ME3: variants seen among roughly 807,000 people sequenced by gnomAD.
The protein encoded by ME3 is NADP-dependent malic enzyme, mitochondrial.
In ME3, 48 loss-of-function variants were observed where a neutral mutation model predicts 68.9. The observed-to-expected ratio is 0.70, with a 90% CI of 0.55 to 0.89. ME3 has a LOEUF of 0.89. Ranked by LOEUF, ME3 falls within the 40% of genes least tolerant of loss-of-function variation. ME3 has a pLI of 0.00. For missense variants in ME3, 675 were observed against 797.4 expected, an observed-to-expected ratio of 0.85 and a Z score of 1.85; for synonymous variants, 320 against 318.8, an observed-to-expected ratio of 1.00 and a Z score of -0.04.
At position 86,497,945 on chromosome 11, in the gene ME3, C is replaced by A; in HGVS notation, c.705+18G>T. ...CCACCTTTTGGCCCCAGAGCTCCTG[C>A]CCTGGGCAGTGGGTTACCTCATTGT... is the stretch of plus-strand genomic sequence containing the variant. On this transcript the variant is annotated intron_variant, in intron 6 of 14. Coordinates refer to ENST00000543262, the Ensembl canonical transcript of ME3. The A allele has an allele frequency of 6.3e-7, 1 of 1,580,306 alleles. No individual in the cohort carries two copies. The highest frequency in any genetic ancestry group is 8.6e-7 in the Non-Finnish European group (1 of 1,161,176).
At chr11:86,472,438 G>A (rs1234522547) in intron 7 of ME3, among the ~76,000 whole-genome samples, 1 of 152,206 alleles carries the variant, frequency 6.6e-6, no homozygotes, top group East Asian at 1.9e-4. Context: ...AAGGAGGCAT[G>A]GAACTGCAGT....
chr11:86,594,976 G>A (rs1959196356), intron 2 of ME3, among the ~76,000 whole-genome samples: 1 of 145,448 alleles, frequency 6.9e-6, no homozygotes, highest in African/African-American at 2.5e-5. Flanking sequence ...GACAAGCCAG[G>A]TGGGGACTCT....
chr11:86,661,278 C>T (rs1354343251), intron 2 of ME3, among the ~76,000 whole-genome samples: 2 of 152,216 alleles, frequency 1.3e-5, no homozygotes, highest in Non-Finnish European at 1.5e-5. Flanking sequence ...GTGGCGTTAT[C>T]GAGGAGGGCA....
intron 4 of ME3, among the ~76,000 whole-genome samples, chr11:86,554,158 G>A (rs991356894): frequency 6.6e-5 from 10 of 152,200 alleles, no homozygotes; most frequent in African/African-American, 1.9e-4. Flanking sequence ...TGTTGCATAT[G>A]CAAGGTCCTA....
chr11:86,480,099 A>G lies in ME3; in HGVS notation c.809+7238T>C, dbSNP rs113460607. Among the ~76,000 whole-genome samples the G allele has an allele frequency of 2.0e-3, 299 of 152,314 alleles. 1 individual carries two copies. Among genetic ancestry groups the G allele is most frequent in the African/African-American group, 6.8e-3 (281 of 41,580 alleles). On this transcript the variant is annotated intron_variant, in intron 7 of 14. Coordinates refer to ENST00000543262, the Ensembl canonical transcript of ME3. ...CTCCCAAATTGCTGGGATTGTAGGCATGAGCCACCGCGCCTGGCCTAGCTG... is the reference window on the plus strand; with the variant it reads ...CTCCCAAATTGCTGGGATTGTAGGCGTGAGCCACCGCGCCTGGCCTAGCTG...
intron 2 of ME3, among the ~76,000 whole-genome samples, chr11:86,620,278 A>T (rs11606017): frequency 0.34 from 52,189 of 152,178 alleles, 10,764 homozygotes; most frequent in Non-Finnish European, 0.46. Flanking sequence ...ATAACTATAT[A>T]TCATTTCGGG....
chr11:86,446,262 G>A, intron 13 of ME3, 52 bp downstream of exon 13: 1 of 1,595,992 alleles, frequency 6.3e-7, no homozygotes, highest in Admixed American at 1.7e-5. Context: ...AGGACCCAGT[G>A]TCAACCCACA....
chr11:86,447,035 A>G lies in ME3; in HGVS notation c.1380+30T>C, dbSNP rs1277680663. 2.5e-6 allele frequency: 4 copies of G among 1,610,212 alleles called. No individual in the cohort carries two copies. The East Asian group carries it at 8.9e-5, about 36-fold the overall frequency. On this transcript the variant is annotated intron_variant, in intron 12 of 14. Transcript: ENST00000543262. ...ATTGTAATTGTTACTATGTCCTCTC[A>G]GCCGGGGGAAGGAAGGACTCCCCGC...
chr11:86,560,748 G>GTGTATA (rs1243025217), intron 2 of ME3, among the ~76,000 whole-genome samples: 1 of 62,530 alleles, frequency 1.6e-5, no homozygotes, highest in African/African-American at 5.9e-5. Context: ...GTGTGTGTGT[G>GTGTATA]TATATATATA....
chr11:86,532,975 C>G (rs1054717547), intron 4 of ME3, among the ~76,000 whole-genome samples: 2 of 151,902 alleles, frequency 1.3e-5, no homozygotes, highest in African/African-American at 2.4e-5. Flanking sequence ...TCGTTTGAAC[C>G]CAGGAGGCAG....
chr11:86,465,206 T>G lies in ME3; in HGVS notation c.810-6A>C, dbSNP rs779577786. 6.2e-7 allele frequency: 1 copy of G among 1,604,088 alleles called. No individual in the cohort carries two copies. The highest frequency in any genetic ancestry group is 8.5e-7 in the Non-Finnish European group (1 of 1,171,340). ...TGAGGCAATTTATTCCAAACCTGTG[T>G]GGAGGGAGAGGAAGAAACCCATGAT... is the stretch of plus-strand genomic sequence containing the variant. On this transcript the variant is annotated splice_region_variant and splice_polypyrimidine_tract_variant and intron_variant, in intron 7 of 14. Coordinates refer to ENST00000543262, the Ensembl canonical transcript of ME3.
intron 4 of ME3, among the ~76,000 whole-genome samples, chr11:86,541,773 T>G (rs753636923): frequency 6.6e-6 from 1 of 152,192 alleles, no homozygotes; most frequent in Non-Finnish European, 1.5e-5. Context: ...GCAGTGGATC[T>G]CCCAGCACAG....
At chr11:86,523,109 G>A (rs1954447786) in intron 4 of ME3, among the ~76,000 whole-genome samples, 1 of 152,152 alleles carries the variant, frequency 6.6e-6, no homozygotes, top group Admixed American at 6.5e-5. Flanking sequence ...CCTACTGTTG[G>A]CTCCTTGAAG....
intron 5 of ME3, among the ~76,000 whole-genome samples, chr11:86,499,795 G>A (rs1291475657): frequency 6.6e-6 from 1 of 152,222 alleles, no homozygotes; most frequent in East Asian, 1.9e-4. Context: ...AGCCTGGGCA[G>A]GTAGGCGGAT....
chr11:86,525,885 G>A (rs556151011), intron 4 of ME3, among the ~76,000 whole-genome samples: 61 of 149,710 alleles, frequency 4.1e-4, no homozygotes, highest in African/African-American at 1.5e-3. Context: ...AAAAAGGAGA[G>A]GGTGGAGCCA....
chr11:86,541,693 T>C (rs1215812787), intron 4 of ME3, among the ~76,000 whole-genome samples: 4 of 152,138 alleles, frequency 2.6e-5, no homozygotes, highest in African/African-American at 9.7e-5. Context: ...ACAGAGCACC[T>C]CAGGGAAGGG....
chr11:86,579,733 G>T (rs1031417967), intron 2 of ME3, among the ~76,000 whole-genome samples: 2 of 152,094 alleles, frequency 1.3e-5, no homozygotes, highest in African/African-American at 4.8e-5. Context: ...TACAGTTTGG[G>T]TACCACTTAT....
chr11:86,458,583 C>T (rs766160743), intron 8 of ME3, among the ~76,000 whole-genome samples: 1 of 151,838 alleles, frequency 6.6e-6, no homozygotes, highest in African/African-American at 2.4e-5. Flanking sequence ...CTAGGAACAG[C>T]CCTGGAAGTG....
intron 2 of ME3, among the ~76,000 whole-genome samples, chr11:86,647,856 A>G (rs1945132553): frequency 1.3e-5 from 2 of 152,194 alleles, no homozygotes; most frequent in Non-Finnish European, 2.9e-5. Context: ...AACGAGACAT[A>G]AAATCAACAA....
Sources: allele counts gnomAD v4.1 joint callset (sites outside exome capture counted in the v4.1 genomes callset), GRCh38; gene constraint gnomAD v4.1.1; transcripts MANE v1.5; gene names NCBI Gene and HGNC (gene_info 2026-07-23, HGNC 2026-07-21).